ICA1: variants seen among roughly 807,000 people sequenced by gnomAD.
ICA1 encodes the protein islet cell autoantigen 1.
In ICA1, 40 loss-of-function variants were observed where a neutral mutation model predicts 71.0. The ratio of observed to expected loss-of-function variants is 0.56; its 90% confidence interval spans 0.44 to 0.73. ICA1 has a LOEUF of 0.73. ICA1 is among the 30% of genes least tolerant of loss of function. The pLI is 0.00. For missense variants in ICA1, 578 were observed against 576.5 expected (o/e 1.00, Z -0.03); for synonymous variants, 207 against 209.5 (o/e 0.99, Z 0.10).
chr7:8,195,999 A>ACAACAACAC (rs1487789085), intron 6 of ICA1, among the ~76,000 whole-genome samples: 1 of 51,418 alleles, frequency 1.9e-5, no homozygotes, highest in African/African-American at 3.1e-5. Flanking sequence ...AACAACAACA[A>ACAACAACAC]CACCAACACC....
intron 13 of ICA1, among the ~76,000 whole-genome samples, chr7:8,124,340 C>T (rs866460898): frequency 2.0e-5 from 3 of 151,538 alleles, no homozygotes; most frequent in Admixed American, 6.6e-5. Context: ...ATGATGGTCT[C>T]GACCTCTTGA....
At chr7:8,128,257 G>T in intron 12 of ICA1, 115 bp from the exon 13 acceptor site, 1 of 1,053,370 alleles carries the variant, frequency 9.5e-7, no homozygotes, top group Non-Finnish European at 1.4e-6. Flanking sequence ...TAAGAAAAAT[G>T]TCATCAAAAT....
At chr7:8,253,110 A>G (rs1337694395) in intron 1 of ICA1, among the ~76,000 whole-genome samples, 1 of 152,234 alleles carries the variant, frequency 6.6e-6, no homozygotes, top group Non-Finnish European at 1.5e-5. Context: ...GGAGAGCCTC[A>G]GTCTAAGGCA....
intron 4 of ICA1, chr7:8,227,605 CTTTTTTTTT>C (rs752042709): frequency 1.3e-4 from 40 of 312,086 alleles, no homozygotes; most frequent in South Asian, 8.8e-4. Flanking sequence ...AAGTAGTTGT[CTTTTTTTTT>C]TTTTTTTTTC....
intron 8 of ICA1, among the ~76,000 whole-genome samples, chr7:8,146,400 G>A (rs1473358182): frequency 1.3e-5 from 2 of 152,294 alleles, no homozygotes; most frequent in South Asian, 2.1e-4. Flanking sequence ...TGGAGCTGCC[G>A]TATAGTTGGC....
intron 13 of ICA1, among the ~76,000 whole-genome samples, chr7:8,117,512 T>C (rs919680014): frequency 6.6e-6 from 1 of 152,224 alleles, no homozygotes; most frequent in Non-Finnish European, 1.5e-5. Context: ...ATGCAAGTCT[T>C]ACCTTCTCAA....
At chr7:8,197,224 A>T (rs1787931412) in intron 6 of ICA1, among the ~76,000 whole-genome samples, 1 of 151,922 alleles carries the variant, frequency 6.6e-6, no homozygotes, top group South Asian at 2.1e-4. Context: ...TATGCTTCAG[A>T]CCCTTAAAAA....
At chr7:8,175,767 C>T (rs1348528783) in intron 6 of ICA1, among the ~76,000 whole-genome samples, 6 of 152,126 alleles carry the variant, frequency 3.9e-5, no homozygotes, top group Non-Finnish European at 5.9e-5. Context: ...CACACCAATG[C>T]CTCATGGTCA....
chr7:8,169,324 T>G (rs1398536785), intron 6 of ICA1, among the ~76,000 whole-genome samples: 2 of 152,186 alleles, frequency 1.3e-5, no homozygotes, highest in East Asian at 3.8e-4. Context: ...GTTATAAATA[T>G]TTGAGCAAAA....
intron 12 of ICA1, among the ~76,000 whole-genome samples, chr7:8,134,173 C>G (rs1792493463): frequency 6.6e-6 from 1 of 152,182 alleles, no homozygotes; most frequent in South Asian, 2.1e-4. Flanking sequence ...GCTGAGATGA[C>G]AGATCCATTC....
chr7:8,115,448 C>T (rs1311432675), intron 13 of ICA1, among the ~76,000 whole-genome samples: 1 of 152,162 alleles, frequency 6.6e-6, no homozygotes, highest in Non-Finnish European at 1.5e-5. Flanking sequence ...ATCTTAAAGA[C>T]GACTCTAGTG....
intron 6 of ICA1, among the ~76,000 whole-genome samples, chr7:8,178,871 T>G (rs892420564): frequency 2.0e-5 from 3 of 152,146 alleles, no homozygotes; most frequent in African/African-American, 7.2e-5. Flanking sequence ...TTTCAGCGTT[T>G]TAGCATGATG....
At chr7:8,201,035 T>G (rs1391821097) in intron 6 of ICA1, among the ~76,000 whole-genome samples, 1 of 152,206 alleles carries the variant, frequency 6.6e-6, no homozygotes. Flanking sequence ...AAAACATACT[T>G]TCTAGAGTGA....
intron 6 of ICA1, among the ~76,000 whole-genome samples, chr7:8,171,827 T>C (rs868674264): frequency 9.2e-5 from 14 of 151,982 alleles, no homozygotes; most frequent in African/African-American, 3.4e-4. Context: ...TATTTCAAAA[T>C]ATATCCTGAT....
At chr7:8,207,257 G>A (rs1056626319) in intron 6 of ICA1, among the ~76,000 whole-genome samples, 25 of 152,166 alleles carry the variant, frequency 1.6e-4, no homozygotes, top group African/African-American at 5.8e-4. Flanking sequence ...TACCAAGCCC[G>A]AAAATCATAT....
chr7:8,140,028 C>A (rs1241523908), intron 10 of ICA1, among the ~76,000 whole-genome samples: 4 of 152,162 alleles, frequency 2.6e-5, no homozygotes, highest in African/African-American at 9.7e-5. Context: ...ATACCACAAG[C>A]AATTATACTG....
intron 1 of ICA1, among the ~76,000 whole-genome samples, chr7:8,256,633 CACTGAAGAGTTA>C (rs1810312644): frequency 6.6e-6 from 1 of 152,212 alleles, no homozygotes; most frequent in Admixed American, 6.5e-5. Context: ...CAGACCTCCC[CACTGAAGAGTTA>C]ACTGCTCCAT....
At chr7:8,155,938 GCTC>G (rs1251242836) in intron 8 of ICA1, among the ~76,000 whole-genome samples, 1 of 152,180 alleles carries the variant, frequency 6.6e-6, no homozygotes, top group African/African-American at 2.4e-5. Context: ...AGAAATAAAA[GCTC>G]CTTCCCCTGA....
At chr7:8,138,797 A>C in intron 12 of ICA1, 43 bp downstream of exon 12, 1 of 1,440,700 alleles carries the variant, frequency 6.9e-7, no homozygotes, top group Non-Finnish European at 9.6e-7. Context: ...GTAATTTAAA[A>C]AATCAAACAA....
Sources: allele counts gnomAD v4.1 joint callset (sites outside exome capture counted in the v4.1 genomes callset), GRCh38; gene constraint gnomAD v4.1.1; transcripts MANE v1.5; gene names NCBI Gene and HGNC (gene_info 2026-07-23, HGNC 2026-07-21).